The following LMO1 variants were observed in gnomAD, a reference collection of about 807,000 sequenced individuals.
LMO1 encodes rhombotin-1.
LMO1 carries 10 observed loss-of-function variants against 18.0 expected under a neutral mutation model. The observed-to-expected ratio is 0.55, with a 90% CI of 0.34 to 0.94. LMO1 has a LOEUF of 0.94. LMO1 is among the 40% of genes least tolerant of loss of function. The probability of loss-of-function intolerance (pLI) is 0.02; values close to 1 mark genes in which losing one functional copy is unlikely to be tolerated. For synonymous variants in LMO1, 77 were observed against 77.9 expected (o/e 0.99, Z 0.06); for missense variants, 183 against 205.7 (o/e 0.89, Z 0.68).
intron 1 of LMO1, among the ~76,000 whole-genome samples, chr11:8,237,770 C>T (rs1052763958): frequency 1.3e-5 from 2 of 152,238 alleles, no homozygotes; most frequent in Non-Finnish European, 2.9e-5. Context: ...AGCTTTGACT[C>T]TGGTGCTGCT....
chr11:8,255,067 A>G (rs964690662), intron 1 of LMO1, among the ~76,000 whole-genome samples: 4 of 152,272 alleles, frequency 2.6e-5, no homozygotes, highest in South Asian at 2.1e-4. Flanking sequence ...CATTTGTTAT[A>G]TGACTTTTCA....
chr11:8,250,277 T>C (rs1846967236), intron 1 of LMO1, among the ~76,000 whole-genome samples: 1 of 152,366 alleles, frequency 6.6e-6, no homozygotes, highest in Middle Eastern at 3.4e-3. Flanking sequence ...CTGTCAATTT[T>C]TAGTCAATAA....
At chr11:8,227,411 T>C (rs969215677) in intron 2 of LMO1, among the ~76,000 whole-genome samples, 1 of 152,142 alleles carries the variant, frequency 6.6e-6, no homozygotes, top group Non-Finnish European at 1.5e-5. Flanking sequence ...ACCAAGAGAA[T>C]CCTAGGCTGG....
intron 2 of LMO1, among the ~76,000 whole-genome samples, chr11:8,229,317 T>G (rs1212410532): frequency 6.6e-6 from 1 of 152,142 alleles, no homozygotes; most frequent in Non-Finnish European, 1.5e-5. Flanking sequence ...GGCAGGCAGG[T>G]CAGTCAAAGG....
At chr11:8,268,024 C>A (rs953373213), upstream of LMO1, among the ~76,000 whole-genome samples, 1 of 152,252 alleles carries the variant, frequency 6.6e-6, no homozygotes, top group Admixed American at 6.5e-5. Context: ...GGAAGGGGAA[C>A]GTGCAGACAC....
chr11:8,226,780 G>T, intron 3 of LMO1, 195 bp downstream of exon 3: 1 of 1,010,366 alleles, frequency 9.9e-7, no homozygotes, highest in Non-Finnish European at 1.4e-6. Context: ...ATATTAAAGT[G>T]CACACATTTG....
chr11:8,255,049 A>G (rs1847066851), intron 1 of LMO1, among the ~76,000 whole-genome samples: 1 of 152,220 alleles, frequency 6.6e-6, no homozygotes, highest in African/African-American at 2.4e-5. Flanking sequence ...CCTTCCCCAC[A>G]GCCACACCAT....
At position 8,263,370 on chromosome 11, in the gene LMO1, G is replaced by T. The variant is rs374863329; in HGVS notation, c.-8C>A. 1.2e-6 allele frequency: 2 copies of T among 1,604,502 alleles called. No homozygotes were observed. Among genetic ancestry groups the T allele is most frequent in the African/African-American group, 2.7e-5 (2 of 74,558 alleles). ...CTTGTCCAGCACCATCATCTCGGGC[G>T]CTCCGTGTCCAGCCGCAGCTAGGCT... On this transcript the variant is annotated 5_prime_UTR_variant, in exon 1 of 4. Transcript: ENST00000335790.
chr11:8,230,484 G>T lies in LMO1; in HGVS notation c.46C>A (p.Gln16Lys), dbSNP rs780502676. 32 of 1,612,904 alleles carry T rather than the reference G, an allele frequency of 2.0e-5. No homozygotes were observed. Among genetic ancestry groups the T allele is most frequent in the African/African-American group, 4.0e-5 (3 of 74,908 alleles). The change falls in exon 2 of 4, where the codon CAG (glutamine) becomes AAG (lysine). Residue 16 changes from glutamine (Q) to lysine (K), a missense_variant. Coordinates refer to ENST00000335790, the MANE Select transcript of LMO1 (RefSeq NM_002315.3). ...KEDGVPMLSV[Q>K]PKGKQKGCAG... is the part of the protein sequence containing the mutation. ...CAGCCCTTCTGCTTCCCTTTGGGCT[G>T]GACGGAGAGCATCGGCACGCCTGCA...
At chr11:8,232,015 G>A (rs952057923) in intron 1 of LMO1, among the ~76,000 whole-genome samples, 1 of 152,138 alleles carries the variant, frequency 6.6e-6, no homozygotes, top group Non-Finnish European at 1.5e-5. Context: ...ACAGGGGCTT[G>A]AGTCAGCCAC....
chr11:8,246,859 G>A (rs1846903102), intron 1 of LMO1, among the ~76,000 whole-genome samples: 1 of 152,168 alleles, frequency 6.6e-6, no homozygotes, highest in Non-Finnish European at 1.5e-5. Flanking sequence ...AGGCCCCATG[G>A]CCAGCCTCAC....
rs1441070721 is a variant in LMO1 at position 8,230,370 on chromosome 11, A to C, written c.160T>G (p.Cys54Gly). 6.2e-7 allele frequency: 1 copy of C among 1,614,030 alleles called. No homozygotes were observed. Among genetic ancestry groups the C allele is most frequent in the African/African-American group, 1.3e-5 (1 of 74,944 alleles). Residue 54 changes from cysteine to glycine, a missense_variant, in exon 2 of 4, where the codon TGT becomes GGT. Cys to Gly is a radical substitution (Grantham distance 159). Transcript: ENST00000335790. ...CCCACCTCGCCCAGGCGGCAGTCAC[A>C]GCAGGCACACTTGAGGCAGTCTTCG... ...WHEDCLKCAC[C>G]DCRLGEVGST...
chr11:8,259,052 A>G (rs1565188562), intron 1 of LMO1, among the ~76,000 whole-genome samples: 1 of 152,342 alleles, frequency 6.6e-6, no homozygotes, highest in East Asian at 1.9e-4. Context: ...ATCACCTTGT[A>G]CAGTCACTGG....
chr11:8,251,971 G>A (rs984010322), intron 1 of LMO1, among the ~76,000 whole-genome samples: 3 of 120,378 alleles, frequency 2.5e-5, no homozygotes, highest in African/African-American at 9.5e-5. Flanking sequence ...TGTGTGTGGG[G>A]GTGTGCGTGT....
chr11:8,252,896 T>G (rs761727091), intron 1 of LMO1, among the ~76,000 whole-genome samples: 1 of 152,190 alleles, frequency 6.6e-6, no homozygotes, highest in Non-Finnish European at 1.5e-5. Context: ...GCTGCTAATT[T>G]TGGAATGTGT....
At chr11:8,241,533 G>C (rs1846793008) in intron 1 of LMO1, among the ~76,000 whole-genome samples, 1 of 152,268 alleles carries the variant, frequency 6.6e-6, no homozygotes, top group Admixed American at 6.5e-5. Context: ...CTGTGCTCCA[G>C]CCATACTCCA....
chr11:8,234,263 C>T (rs1351152674), intron 1 of LMO1, among the ~76,000 whole-genome samples: 1 of 152,156 alleles, frequency 6.6e-6, no homozygotes, highest in Non-Finnish European at 1.5e-5. Context: ...ACTCACCCTC[C>T]ACTCTTTAAT....
chr11:8,262,842 T>C (rs574838292), intron 1 of LMO1, among the ~76,000 whole-genome samples: 4 of 152,096 alleles, frequency 2.6e-5, no homozygotes, highest in African/African-American at 9.6e-5. Context: ...CGCGCCGTCC[T>C]CCCGCGCTCC....
chr11:8,226,454 C>T (rs767115614), intron 3 of LMO1, among the ~76,000 whole-genome samples: 8 of 152,046 alleles, frequency 5.3e-5, no homozygotes, highest in Non-Finnish European at 1.2e-4. Context: ...CAGAGGTTGC[C>T]GTGAGCCAAG....
Sources: gnomAD v4.1 joint callset for allele counts (sites outside exome capture counted in the v4.1 genomes callset) on GRCh38, gnomAD v4.1.1 for gene constraint, MANE v1.5 for transcripts, NCBI Gene and HGNC (gene_info 2026-07-23, HGNC 2026-07-21) for gene names.